C10orf90: variants seen among roughly 807,000 people sequenced by gnomAD.
C10orf90 encodes the protein (E2-independent) E3 ubiquitin-conjugating enzyme FATS.
C10orf90 carries 56 observed loss-of-function variants against 62.5 expected under a neutral mutation model. The observed-to-expected ratio is 0.90, with a 90% CI of 0.72 to 1.12. The LOEUF (loss-of-function observed/expected upper bound fraction) is 1.12, where lower values mean the gene tolerates loss of function less well. Ranked by LOEUF, C10orf90 falls within the 50% of genes most tolerant of loss-of-function variation. C10orf90 has a pLI of 0.00. For missense variants in C10orf90, 970 were observed against 880.4 expected, an observed-to-expected ratio of 1.10 and a Z score of -1.29; for synonymous variants, 386 against 340.4, an observed-to-expected ratio of 1.13 and a Z score of -1.47.
intron 1 of C10orf90, among the ~76,000 whole-genome samples, chr10:126,649,028 GTCTCTGTCTCTCTCTCTCTCTCTCTC>G (rs1846229131): frequency 1.9e-5 from 2 of 102,798 alleles, no homozygotes; most frequent in Admixed American, 1.0e-4. Flanking sequence ...CTCTCTCTCT[GTCTCTGTCTCTCTCTCTCTCTCTCTC>G]TCTCTCTCTC....
At chr10:126,598,188 T>C (rs1336402909) in intron 2 of C10orf90, among the ~76,000 whole-genome samples, 1 of 152,212 alleles carries the variant, frequency 6.6e-6, no homozygotes, top group East Asian at 1.9e-4. Context: ...TGCTCATTGC[T>C]GCCCACCAGT....
chr10:126,429,846 G>A lies in C10orf90; in HGVS notation c.2193C>T (p.Asn731=), dbSNP rs755785407. The A allele has an allele frequency of 6.2e-7, 1 of 1,613,336 alleles. No homozygotes were observed. The highest frequency in any genetic ancestry group is 8.5e-7 in the Non-Finnish European group (1 of 1,179,474). ...QFTIPHPLSD[N]LFKPKERCIS... is the part of the protein sequence containing the mutation. ...TGCACCGTTCTTTGGGTTTGAACAA[G>A]TTATCTGGAAAAAATAGAAAGAGAA... The change falls in exon 8 of 10, where the codon AAC becomes AAT. Residue 731 remains asparagine (N), a synonymous_variant. Transcript: ENST00000488181.
intron 2 of C10orf90, among the ~76,000 whole-genome samples, chr10:126,640,369 G>A (rs1299545267): frequency 2.6e-5 from 4 of 152,222 alleles, no homozygotes; most frequent in Non-Finnish European, 2.9e-5. Flanking sequence ...ACCCTGCTCC[G>A]CAGGTTTGCC....
chr10:126,498,102 G>A (rs900738121), intron 4 of C10orf90, among the ~76,000 whole-genome samples: 10 of 152,196 alleles, frequency 6.6e-5, no homozygotes, highest in African/African-American at 2.4e-4. Flanking sequence ...GGAAGAACTG[G>A]GTAGTTGTGG....
intron 2 of C10orf90, among the ~76,000 whole-genome samples, chr10:126,556,164 C>T (rs747221768): frequency 9.9e-5 from 15 of 152,272 alleles, no homozygotes; most frequent in African/African-American, 2.9e-4. Flanking sequence ...CCAAAATGGC[C>T]GGGGTTGAGT....
At chr10:126,641,480 C>T (rs190824731) in intron 2 of C10orf90, among the ~76,000 whole-genome samples, 1 of 152,142 alleles carries the variant, frequency 6.6e-6, no homozygotes, top group East Asian at 1.9e-4. Context: ...CGCCATCCGC[C>T]CGCTCCTTTT....
At chr10:126,666,905 G>A (rs537351466) in intron 1 of C10orf90, among the ~76,000 whole-genome samples, 2 of 151,128 alleles carry the variant, frequency 1.3e-5, no homozygotes, top group Admixed American at 1.3e-4. Context: ...ATTTGAACCC[G>A]GGAGGCGGAG....
intron 7 of C10orf90, among the ~76,000 whole-genome samples, chr10:126,444,386 G>A (rs1316551397): frequency 6.6e-6 from 1 of 151,992 alleles, no homozygotes; most frequent in East Asian, 1.9e-4. Flanking sequence ...GAGCGACCAA[G>A]CAGAGAATCA....
intron 2 of C10orf90, among the ~76,000 whole-genome samples, chr10:126,642,368 T>TA (rs1233494481): frequency 2.0e-5 from 3 of 151,908 alleles, no homozygotes; most frequent in Admixed American, 6.6e-5. Flanking sequence ...CCGTCTCTAC[T>TA]AAAAATACAA....
At chr10:126,499,331 C>T (rs138330652) in intron 4 of C10orf90, among the ~76,000 whole-genome samples, 113 of 152,074 alleles carry the variant, frequency 7.4e-4, no homozygotes, top group South Asian at 4.8e-3. Flanking sequence ...CCATATGGCC[C>T]GCAAAGCCAA....
At chr10:126,634,381 C>G (rs1004917100) in intron 2 of C10orf90, among the ~76,000 whole-genome samples, 5 of 152,162 alleles carry the variant, frequency 3.3e-5, no homozygotes, top group Admixed American at 3.3e-4. Context: ...AGGACCAATA[C>G]TATATTATTC....
chr10:126,439,094 G>A (rs1037650548), intron 7 of C10orf90, among the ~76,000 whole-genome samples: 1 of 152,140 alleles, frequency 6.6e-6, no homozygotes, highest in Non-Finnish European at 1.5e-5. Context: ...AACGTTCCTG[G>A]TGGTAGAAAA....
At chr10:126,531,915 C>A (rs1234541280) in intron 2 of C10orf90, among the ~76,000 whole-genome samples, 2 of 152,116 alleles carry the variant, frequency 1.3e-5, no homozygotes, top group South Asian at 4.1e-4. Flanking sequence ...GTATAATGAA[C>A]CCCTACAATT....
Position 126,634,559 on chromosome 10 carries a change from G to A in C10orf90, c.313+12006C>T, listed in dbSNP as rs78372447. Among the ~76,000 whole-genome samples the A allele has an allele frequency of 3.6e-3, 546 of 152,128 alleles. 2 individuals carry two copies. The highest frequency in any genetic ancestry group is 0.012 in the African/African-American group (517 of 41,522). Reference sequence around the variant, plus strand: ...TCCACTATACAACATTGCACCTAGAGTCAACAAGTGTACAATAGCGTATTG... The same window carrying A: ...TCCACTATACAACATTGCACCTAGAATCAACAAGTGTACAATAGCGTATTG... On this transcript the variant is annotated intron_variant, in intron 2 of 9. Transcript: ENST00000488181.
rs57143666 is a variant in C10orf90, at chr10:126,508,158, TGAGAGAGA to T, written c.406-3081_406-3074del. 9.1e-5 allele frequency among the ~76,000 whole-genome samples: 12 copies of T among 131,526 alleles called. No individual in the cohort carries two copies. In the South Asian group the frequency reaches 1.9e-3, roughly 21 times the overall value. The allele number at this position is 131,526 out of a possible 152,430, so 86.3% of individuals were successfully genotyped here. A position where few individuals can be genotyped will look rare whatever the true frequency, so the allele number is the denominator to read the frequency against. ...AAACCACCTAGAGTGAATGAGTGAG[TGAGAGAGA>T]GAGAGAGAGAGAGAGAGAGAGAGAG... On this transcript the variant is annotated intron_variant, in intron 3 of 9. Coordinates refer to ENST00000488181, the MANE Select transcript of C10orf90 (RefSeq NM_001350921.2).
At chr10:126,629,582 C>T (rs1331813275) in intron 2 of C10orf90, among the ~76,000 whole-genome samples, 1 of 152,162 alleles carries the variant, frequency 6.6e-6, no homozygotes, top group Non-Finnish European at 1.5e-5. Context: ...TATGCAATGA[C>T]TTGAAAGGGG....
At chr10:126,579,283 T>C (rs1057250880) in intron 2 of C10orf90, among the ~76,000 whole-genome samples, 14 of 151,524 alleles carry the variant, frequency 9.2e-5, no homozygotes, top group East Asian at 1.9e-4. Context: ...TTCTTTTTTT[T>C]TTTTTTTGAG....
intron 2 of C10orf90, among the ~76,000 whole-genome samples, chr10:126,573,598 C>T (rs1007362099): frequency 1.3e-5 from 2 of 152,154 alleles, no homozygotes; most frequent in Non-Finnish European, 2.9e-5. Flanking sequence ...CCCCAAAAGC[C>T]CCAGGGCCTT....
intron 2 of C10orf90, among the ~76,000 whole-genome samples, chr10:126,626,127 T>G (rs1845736913): frequency 1.5e-5 from 1 of 65,486 alleles, no homozygotes; most frequent in Non-Finnish European, 2.7e-5. Flanking sequence ...AGATTCCATC[T>G]CAAAAAAAAA....
Sources: gnomAD v4.1 joint callset for allele counts (sites outside exome capture counted in the v4.1 genomes callset) on GRCh38, gnomAD v4.1.1 for gene constraint, MANE v1.5 for transcripts, NCBI Gene and HGNC (gene_info 2026-07-23, HGNC 2026-07-21) for gene names.